The following FAF1 variants were observed in gnomAD, a reference collection of about 807,000 sequenced individuals.
FAF1 encodes Fas associated factor 1.
FAF1 carries 25 observed loss-of-function variants against 92.5 expected under a neutral mutation model. The observed-to-expected ratio is 0.27, with a 90% CI of 0.20 to 0.38. The LOEUF (loss-of-function observed/expected upper bound fraction) is 0.38, where lower values mean the gene tolerates loss of function less well. FAF1 is among the 10% of genes least tolerant of loss of function. The pLI is 1.00. For missense variants in FAF1, 636 were observed against 793.3 expected, an observed-to-expected ratio of 0.80 and a Z score of 2.38; for synonymous variants, 234 against 273.2, an observed-to-expected ratio of 0.86 and a Z score of 1.42.
intron 14 of FAF1, 37 bp from the exon 15 acceptor site, chr1:50,535,494 A>ATT: frequency 8.5e-7 from 1 of 1,178,048 alleles, no homozygotes; most frequent in South Asian, 1.3e-5. Context: ...TTTTATAATC[A>ATT]TTTTATATAT....
chr1:50,858,292 T>C (rs2124666544), intron 1 of FAF1, among the ~76,000 whole-genome samples: 1 of 151,994 alleles, frequency 6.6e-6, no homozygotes, highest in East Asian at 1.9e-4. Flanking sequence ...GAACAACTTT[T>C]AGTCAAAGAT....
intron 8 of FAF1, among the ~76,000 whole-genome samples, chr1:50,644,547 G>A (rs959406118): frequency 1.3e-5 from 2 of 152,132 alleles, no homozygotes; most frequent in African/African-American, 2.4e-5. Flanking sequence ...AAATATAGCC[G>A]CTGGAGCCTC....
At chr1:50,567,809 A>G (rs1650241605) in intron 12 of FAF1, among the ~76,000 whole-genome samples, 1 of 152,098 alleles carries the variant, frequency 6.6e-6, no homozygotes, top group South Asian at 2.1e-4. Context: ...GTGACATGTA[A>G]TTGACATTTG....
intron 4 of FAF1, among the ~76,000 whole-genome samples, chr1:50,757,924 A>G (rs2124521467): frequency 6.6e-6 from 1 of 152,022 alleles, no homozygotes; most frequent in South Asian, 2.1e-4. Context: ...AGTTTACAAC[A>G]TAATTTTTTT....
At chr1:50,485,667 CAAAAA>C (rs999538430) in intron 17 of FAF1, among the ~76,000 whole-genome samples, 8 of 13,712 alleles carry the variant, frequency 5.8e-4, no homozygotes, top group African/African-American at 7.1e-4. Context: ...GAGACTGTCT[CAAAAA>C]AAAAAAAAAA....
intron 1 of FAF1, among the ~76,000 whole-genome samples, chr1:50,902,094 CCTA>C (rs1160186381): frequency 1.3e-4 from 20 of 152,160 alleles, no homozygotes; most frequent in African/African-American, 4.6e-4. Context: ...CCTCATAAAT[CCTA>C]CTAATATAAG....
intron 1 of FAF1, among the ~76,000 whole-genome samples, chr1:50,885,610 C>G (rs980067249): frequency 1.3e-5 from 2 of 151,904 alleles, no homozygotes; most frequent in African/African-American, 4.8e-5. Context: ...GGCAACAGAC[C>G]ATTTGGGTCT....
At position 50,776,168 on chromosome 1, in the gene FAF1, C is replaced by T. The variant is rs376380847; in HGVS notation, c.367+11832G>A. On this transcript the variant is annotated intron_variant, in intron 4 of 18. Coordinates refer to ENST00000396153, the MANE Select transcript of FAF1 (RefSeq NM_007051.3). ...GAAAGAACTTCCAGGGATCACTTTT[C>T]GTAAACTTTTGGCTTTATCATCCAC... 3.9e-5 allele frequency among the ~76,000 whole-genome samples: 6 copies of T among 152,214 alleles called. No homozygotes were observed. In the South Asian group the frequency reaches 1.0e-3, roughly 26 times the overall value.
At chr1:50,635,371 C>T (rs1384526282) in intron 8 of FAF1, among the ~76,000 whole-genome samples, 1 of 152,128 alleles carries the variant, frequency 6.6e-6, no homozygotes, top group African/African-American at 2.4e-5. Context: ...ACTTGAAATG[C>T]AAAGAATCTA....
chr1:50,714,545 CA>C (rs976175935), intron 6 of FAF1, among the ~76,000 whole-genome samples: 63 of 151,890 alleles, frequency 4.1e-4, no homozygotes, highest in African/African-American at 1.5e-3. Flanking sequence ...AACAAACAAA[CA>C]AAAAAACCTC....
intron 17 of FAF1, among the ~76,000 whole-genome samples, chr1:50,485,197 C>A (rs1185513599): frequency 6.6e-6 from 1 of 151,892 alleles, no homozygotes; most frequent in Non-Finnish European, 1.5e-5. Context: ...CTAGGCTCAA[C>A]TGATCCTCCC....
At chr1:50,895,112 A>G (rs540991906) in intron 1 of FAF1, among the ~76,000 whole-genome samples, 2 of 152,184 alleles carry the variant, frequency 1.3e-5, no homozygotes, top group East Asian at 3.9e-4. Context: ...TTAGAAAAGA[A>G]AAAAAAATTG....
chr1:50,928,725 C>T (rs576684178), intron 1 of FAF1, among the ~76,000 whole-genome samples: 139 of 144,750 alleles, frequency 9.6e-4, no homozygotes, highest in African/African-American at 3.5e-3. Context: ...GGAGGTTGCA[C>T]TGAACCGAAA....
intron 1 of FAF1, among the ~76,000 whole-genome samples, chr1:50,937,148 A>G (rs1239273212): frequency 6.6e-6 from 1 of 152,106 alleles, no homozygotes; most frequent in African/African-American, 2.4e-5. Flanking sequence ...CACCCACTCA[A>G]TATGTGTCAA....
At chr1:50,942,743 C>T (rs908151932) in intron 1 of FAF1, among the ~76,000 whole-genome samples, 1 of 150,712 alleles carries the variant, frequency 6.6e-6, no homozygotes, top group East Asian at 1.9e-4. Flanking sequence ...TTTTAGTTGT[C>T]GTTGTTTTTT....
At chr1:50,679,261 G>A (rs1403105657) in intron 7 of FAF1, among the ~76,000 whole-genome samples, 1 of 150,782 alleles carries the variant, frequency 6.6e-6, no homozygotes, top group Non-Finnish European at 1.5e-5. Context: ...ATCAATTTCA[G>A]CTGCTCTGCC....
chr1:50,577,463 T>C (rs895710165), intron 12 of FAF1, among the ~76,000 whole-genome samples: 1 of 152,186 alleles, frequency 6.6e-6, no homozygotes, highest in Non-Finnish European at 1.5e-5. Context: ...AGGCGGAGTT[T>C]GCAGTGAGCC....
rs78731436 is a variant in FAF1 at position 50,519,759 on chromosome 1, C to T, written c.1494+15610G>A. Among the ~76,000 whole-genome samples, 76 of 152,196 alleles carry T rather than the reference C, an allele frequency of 5.0e-4. No individual in the cohort carries two copies. The East Asian group carries it at 7.9e-3, about 16-fold the overall frequency. ...TGATAGTGTACTCCTCCAATCTAAC[C>T]ATCAATTGGAAAAGTACCCTTCTTT... On this transcript the variant is annotated intron_variant, in intron 15 of 18. Coordinates refer to ENST00000396153, the MANE Select transcript of FAF1 (RefSeq NM_007051.3).
At chr1:50,537,944 C>T (rs758570962) in intron 14 of FAF1, among the ~76,000 whole-genome samples, 19 of 151,936 alleles carry the variant, frequency 1.3e-4, no homozygotes, top group Non-Finnish European at 2.2e-4. Flanking sequence ...AATTTGAAAC[C>T]GTATCAATGA....
Sources: allele counts gnomAD v4.1 joint callset (sites outside exome capture counted in the v4.1 genomes callset), GRCh38; gene constraint gnomAD v4.1.1; transcripts MANE v1.5; gene names NCBI Gene and HGNC (gene_info 2026-07-23, HGNC 2026-07-21).